The following NEXMIF variants were observed in gnomAD, a reference collection of about 807,000 sequenced individuals.
The protein encoded by NEXMIF is XLMR protein related to neurite extension.
NEXMIF carries 8 observed loss-of-function variants against 62.1 expected under a neutral mutation model. The observed-to-expected ratio is 0.13, with a 90% CI of 0.08 to 0.23. The LOEUF is 0.23. Ranked by LOEUF, NEXMIF falls within the 10% of genes least tolerant of loss-of-function variation. The probability of loss-of-function intolerance (pLI) is 1.00; values close to 1 mark genes in which losing one functional copy is unlikely to be tolerated. For synonymous variants in NEXMIF, 404 were observed against 416.6 expected, an observed-to-expected ratio of 0.97 and a Z score of 0.37; for missense variants, 976 against 1,113.3, an observed-to-expected ratio of 0.88 and a Z score of 1.75.
intron 1 of NEXMIF, among the ~76,000 whole-genome samples, chrX:74,904,174 G>A (rs2080758766): frequency 9.0e-6 from 1 of 110,865 alleles, no homozygotes; most frequent in Admixed American, 9.6e-5. Context: ...AAGTGGAGGG[G>A]AGTATATTAG....
chrX:74,846,567 C>T (rs1397420581), intron 1 of NEXMIF, among the ~76,000 whole-genome samples: 1 of 111,785 alleles, frequency 8.9e-6, no homozygotes, highest in Non-Finnish European at 1.9e-5. Flanking sequence ...GGGTGCTTGG[C>T]CTGGAGGGGA....
intron 1 of NEXMIF, among the ~76,000 whole-genome samples, chrX:74,834,308 C>T (rs1393627029): frequency 9.1e-6 from 1 of 110,428 alleles, no homozygotes; most frequent in Non-Finnish European, 1.9e-5. Context: ...TTCATCATTT[C>T]ATCTTTCTAC....
intron 1 of NEXMIF, among the ~76,000 whole-genome samples, chrX:74,882,489 A>T (rs1389916465): frequency 8.9e-6 from 1 of 112,368 alleles, no homozygotes; most frequent in Non-Finnish European, 1.9e-5. Flanking sequence ...ACAGCACACC[A>T]GGAGATTATA....
chrX:74,735,630 G>T lies in NEXMIF; in HGVS notation c.*3775C>A, dbSNP rs41307367. ...AGCAAGGAAAAAGTTCAGAGAAGGT[G>T]AAAGTTGTCACAAAAGCCCAGCTAG... is the stretch of plus-strand genomic sequence containing the variant. On this transcript the variant is annotated 3_prime_UTR_variant, in exon 4 of 4. Coordinates refer to ENST00000055682, the MANE Select transcript of NEXMIF (RefSeq NM_001008537.3). The T allele has an allele frequency of 8.9e-6, 1 of 112,161 alleles. No homozygotes were observed. Among genetic ancestry groups the T allele is most frequent in the Non-Finnish European group, 1.9e-5 (1 of 53,198 alleles). The allele number at this position is 112,161 out of a possible 1,213,427, so 9.2% of individuals were successfully genotyped here.
chrX:74,835,416 A>G (rs1170234541), intron 1 of NEXMIF, among the ~76,000 whole-genome samples: 1 of 111,572 alleles, frequency 9.0e-6, no homozygotes, highest in Non-Finnish European at 1.9e-5. Context: ...TGTAGTCTTC[A>G]CAGTCTGGGC....
intron 1 of NEXMIF, among the ~76,000 whole-genome samples, chrX:74,905,474 T>C (rs186197364): frequency 1.4e-3 from 157 of 112,510 alleles, no homozygotes; most frequent in African/African-American, 4.6e-3. Context: ...AAGTATTTCT[T>C]ATATTATTCC....
At chrX:74,880,568 C>A (rs1384010753) in intron 1 of NEXMIF, among the ~76,000 whole-genome samples, 2 of 111,995 alleles carry the variant, frequency 1.8e-5, no homozygotes, top group Non-Finnish European at 3.8e-5. Flanking sequence ...ACAATGAATG[C>A]AAGCAATTGT....
At chrX:74,751,235 A>C in intron 1 of NEXMIF, among the ~76,000 whole-genome samples, 1 of 110,929 alleles carries the variant, frequency 9.0e-6, no homozygotes, top group Non-Finnish European at 1.9e-5. Flanking sequence ...GTCTCAAAAA[A>C]AAAATTCCAA....
intron 1 of NEXMIF, among the ~76,000 whole-genome samples, chrX:74,901,901 T>C (rs902883213): frequency 1.8e-5 from 2 of 111,506 alleles, no homozygotes; most frequent in Non-Finnish European, 3.8e-5. Context: ...TAATATATAT[T>C]AAAGACCACT....
intron 1 of NEXMIF, among the ~76,000 whole-genome samples, chrX:74,823,049 T>C (rs1231865328): frequency 8.9e-6 from 1 of 112,010 alleles, no homozygotes; most frequent in Non-Finnish European, 1.9e-5. Flanking sequence ...CACTATAACA[T>C]AGGTGAACCT....
At chrX:74,821,269 A>G (rs1470521786) in intron 1 of NEXMIF, among the ~76,000 whole-genome samples, 2 of 111,038 alleles carry the variant, frequency 1.8e-5, no homozygotes, top group African/African-American at 6.6e-5. Context: ...TACCCATGAC[A>G]TAAAAGTAAA....
At chrX:74,796,228 T>A (rs1602231375) in intron 1 of NEXMIF, among the ~76,000 whole-genome samples, 1 of 60,181 alleles carries the variant, frequency 1.7e-5, no homozygotes, top group African/African-American at 6.5e-5. Flanking sequence ...TATACATATA[T>A]AATATATATA....
intron 1 of NEXMIF, among the ~76,000 whole-genome samples, chrX:74,876,498 C>T (rs2080634321): frequency 1.8e-5 from 2 of 109,737 alleles, no homozygotes; most frequent in Middle Eastern, 4.7e-3. Flanking sequence ...CTGTAGATGT[C>T]TATTAGGTTC....
chrX:74,878,638 G>C (rs183441944), intron 1 of NEXMIF, among the ~76,000 whole-genome samples: 1 of 112,774 alleles, frequency 8.9e-6, no homozygotes, highest in South Asian at 3.7e-4. Flanking sequence ...CGCAATCAGC[G>C]GGACTCCGTG....
intron 1 of NEXMIF, among the ~76,000 whole-genome samples, chrX:74,821,729 G>T (rs1158436536): frequency 9.1e-6 from 1 of 109,806 alleles, no homozygotes; most frequent in East Asian, 2.8e-4. Flanking sequence ...GTTGAAAATT[G>T]TGTGTGTGTG....
chrX:74,875,062 G>A (rs2147507276), intron 1 of NEXMIF, among the ~76,000 whole-genome samples: 1 of 111,566 alleles, frequency 9.0e-6, no homozygotes, highest in South Asian at 3.8e-4. Flanking sequence ...GGGCATCCCT[G>A]TCTTGTGCCA....
intron 1 of NEXMIF, among the ~76,000 whole-genome samples, chrX:74,791,856 ATTC>A (rs1434687881): frequency 2.7e-5 from 3 of 110,167 alleles, no homozygotes; most frequent in African/African-American, 9.9e-5. Context: ...CGTCTATTAG[ATTC>A]TTCTTTTTTT....
chrX:74,875,791 T>G (rs888926689), intron 1 of NEXMIF, among the ~76,000 whole-genome samples: 21 of 112,053 alleles, frequency 1.9e-4, no homozygotes, highest in Non-Finnish European at 3.6e-4. Context: ...TAGAGGTGTT[T>G]GTAGTATTCT....
intron 1 of NEXMIF, among the ~76,000 whole-genome samples, chrX:74,883,999 C>A (rs902301760): frequency 8.9e-6 from 1 of 112,166 alleles, no homozygotes; most frequent in African/African-American, 3.2e-5. Flanking sequence ...ATTCAACATT[C>A]TTAAAGAAAA....
Sources: gnomAD v4.1 joint callset for allele counts (sites outside exome capture counted in the v4.1 genomes callset) on GRCh38, gnomAD v4.1.1 for gene constraint, MANE v1.5 for transcripts, NCBI Gene and HGNC (gene_info 2026-07-23, HGNC 2026-07-21) for gene names.